Variants in GLIS1 observed in about 807,000 individuals in gnomAD.
GLIS1 encodes GLIS family zinc finger 1, also known as zinc finger protein GLIS1.
A neutral mutation model predicts 63.8 loss-of-function variants in GLIS1; 24 were observed. The observed-to-expected ratio is 0.38, with a 90% CI of 0.27 to 0.53. The LOEUF is 0.53. Among genes scored for constraint, GLIS1 ranks in the 20% least tolerant of loss-of-function variants. The pLI is 0.85. For synonymous variants in GLIS1, 450 were observed against 482.5 expected (o/e 0.93, Z 0.88); for missense variants, 1,036 against 1,074.1 (o/e 0.96, Z 0.50).
chr1:53,506,680 A>G lies in GLIS1; in HGVS notation c.2327T>C (p.Phe776Ser), dbSNP rs1471177486. The G allele has an allele frequency of 5.6e-6, 9 of 1,613,358 alleles. No individual in the cohort carries two copies. Among genetic ancestry groups the G allele is most frequent in the Admixed American group, 5.0e-5 (3 of 59,992 alleles). The change falls in exon 11 of 11, where the codon TTC (phenylalanine) becomes TCC (serine). Residue 776 changes from phenylalanine (F) to serine (S), a missense_variant. Phe to Ser is a radical substitution (Grantham distance 155, BLOSUM62 -2). Around this residue, in one of 3 missense-constraint regions of GLIS1, gnomAD observed 400 missense variants for 400.9 expected, o/e 1.00. Coordinates refer to ENST00000628545, the MANE Select transcript of GLIS1 (RefSeq NM_001367484.1). Reference sequence around the variant, plus strand: ...GCAGTGGTCAAAGGCTCCATTGGGGAAGAAGCCACAGTCCTCGGGGCCGCT... The same window carrying G: ...GCAGTGGTCAAAGGCTCCATTGGGGGAGAAGCCACAGTCCTCGGGGCCGCT... ...VSSGPEDCGF[F>S]PNGAFDHCLG...
intron 2 of GLIS1, among the ~76,000 whole-genome samples, chr1:53,704,319 G>A (rs1324740778): frequency 6.6e-6 from 1 of 152,246 alleles, no homozygotes; most frequent in Non-Finnish European, 1.5e-5. Flanking sequence ...TTTATGGCAG[G>A]AATAAGGCAG....
intron 4 of GLIS1, among the ~76,000 whole-genome samples, chr1:53,556,963 T>C (rs1644841154): frequency 6.6e-6 from 1 of 151,362 alleles, no homozygotes; most frequent in Admixed American, 6.6e-5. Context: ...GCAGGCATAC[T>C]GCAGGTGTGT....
chr1:53,667,587 C>T (rs190976388), intron 2 of GLIS1, among the ~76,000 whole-genome samples: 1 of 150,686 alleles, frequency 6.6e-6, no homozygotes, highest in African/African-American at 2.5e-5. Flanking sequence ...CTTTCAGACT[C>T]ACAGGCTCTC....
intron 8 of GLIS1, among the ~76,000 whole-genome samples, chr1:53,510,974 G>A (rs1644292818): frequency 6.6e-6 from 1 of 152,180 alleles, no homozygotes. Context: ...CAGGTGCCCT[G>A]AGCCCAGCCC....
intron 2 of GLIS1, among the ~76,000 whole-genome samples, chr1:53,638,153 A>ATAC (rs1382069048): frequency 6.6e-6 from 1 of 152,208 alleles, no homozygotes; most frequent in East Asian, 1.9e-4. Flanking sequence ...ACACGGTGTA[A>ATAC]GGGTCAGGGA....
At chr1:53,578,191 T>G (rs1031690173) in intron 4 of GLIS1, among the ~76,000 whole-genome samples, 6 of 152,164 alleles carry the variant, frequency 3.9e-5, no homozygotes, top group African/African-American at 1.4e-4. Context: ...CTGCTTGCTA[T>G]AGCAGCCTGA....
In GLIS1 at chr1:53,509,458, T is replaced by C. The variant is rs114765704; in HGVS notation, c.2063-171A>G. Among the ~76,000 whole-genome samples, 1,031 of 152,026 alleles carry C rather than the reference T, an allele frequency of 6.8e-3. 8 individuals are homozygous for C. Among genetic ancestry groups the C allele is most frequent in the African/African-American group, 0.023 (966 of 41,476 alleles). On this transcript the variant is annotated intron_variant, in intron 9 of 10. Transcript: ENST00000628545. ...GGAGGTGCAGGAGGCTGGGGCCCCA[T>C]TCTCAGCTCCGCCCTGCAGGGAGGG...
At position 53,622,427 on chromosome 1, in the gene GLIS1, C is replaced by CAAAA. The variant is rs60923620; in HGVS notation, c.260-22153_260-22150dup. On this transcript the variant is annotated intron_variant, in intron 2 of 10. Coordinates refer to ENST00000628545, the MANE Select transcript of GLIS1 (RefSeq NM_001367484.1). ...TGGACAACAGAGCTAGACTATGTCT[C>CAAAA]AAAAAAAAAAAAAAAAAAAAAAAGA... Among the ~76,000 whole-genome samples, 169 of 132,166 alleles carry CAAAA rather than the reference C, an allele frequency of 1.3e-3. 1 individual carries two copies. The highest frequency in any genetic ancestry group is 4.2e-3 in the East Asian group (18 of 4,302). 86.7% of individuals were successfully genotyped at this position (132,166 alleles called of 152,430 possible).
intron 2 of GLIS1, among the ~76,000 whole-genome samples, chr1:53,642,018 G>A (rs896223638): frequency 4.6e-5 from 7 of 152,204 alleles, no homozygotes; most frequent in African/African-American, 1.7e-4. Flanking sequence ...TCCACTCCCA[G>A]GCACTGCCAA....
At chr1:53,711,584 C>T (rs754301582) in intron 2 of GLIS1, among the ~76,000 whole-genome samples, 10 of 152,218 alleles carry the variant, frequency 6.6e-5, no homozygotes, top group Admixed American at 2.6e-4. Context: ...CAGAGCACAG[C>T]TCTTTCTTTT....
intron 2 of GLIS1, among the ~76,000 whole-genome samples, chr1:53,626,100 T>G (rs1645591414): frequency 6.6e-6 from 1 of 152,178 alleles, no homozygotes; most frequent in Non-Finnish European, 1.5e-5. Flanking sequence ...TGAGGGCCGC[T>G]CTTAGGAATG....
chr1:53,734,834 G>A (rs1646897824), intron 2 of GLIS1, among the ~76,000 whole-genome samples: 3 of 152,234 alleles, frequency 2.0e-5, no homozygotes, highest in Non-Finnish European at 4.4e-5. Context: ...TAAAAGCAGA[G>A]TGTCGGGTGT....
chr1:53,674,015 T>C (rs1646184436), intron 2 of GLIS1, among the ~76,000 whole-genome samples: 1 of 151,384 alleles, frequency 6.6e-6, no homozygotes, highest in African/African-American at 2.4e-5. Flanking sequence ...CTATGAAAAA[T>C]ACAAAAATTA....
chr1:53,570,718 A>G (rs1644976587), intron 4 of GLIS1, among the ~76,000 whole-genome samples: 1 of 152,216 alleles, frequency 6.6e-6, no homozygotes, highest in Admixed American at 6.5e-5. Context: ...ATCACTAGTA[A>G]AAAGATAGGC....
At chr1:53,566,845 C>G (rs1370992295) in intron 4 of GLIS1, among the ~76,000 whole-genome samples, 1 of 152,204 alleles carries the variant, frequency 6.6e-6, no homozygotes, top group Non-Finnish European at 1.5e-5. Flanking sequence ...TCCTGTTAAG[C>G]CTGCAGAACT....
intron 2 of GLIS1, among the ~76,000 whole-genome samples, chr1:53,666,245 C>T (rs751493096): frequency 1.3e-5 from 2 of 152,212 alleles, no homozygotes; most frequent in African/African-American, 2.4e-5. Flanking sequence ...TTCACAAACA[C>T]GACCTGGACA....
chr1:53,516,564 G>A (rs1393786017), intron 7 of GLIS1, among the ~76,000 whole-genome samples: 3 of 151,798 alleles, frequency 2.0e-5, no homozygotes, highest in Non-Finnish European at 2.9e-5. Context: ...TGTAATCCCC[G>A]CACTTTGGGA....
intron 2 of GLIS1, among the ~76,000 whole-genome samples, chr1:53,727,143 C>T (rs1266750214): frequency 6.6e-6 from 1 of 152,232 alleles, no homozygotes; most frequent in African/African-American, 2.4e-5. Flanking sequence ...AACTCAGTTC[C>T]GACTCTAAAA....
chr1:53,617,687 C>T (rs1020269905), intron 2 of GLIS1, among the ~76,000 whole-genome samples: 1 of 152,174 alleles, frequency 6.6e-6, no homozygotes, highest in African/African-American at 2.4e-5. Flanking sequence ...CCTTTTAGTT[C>T]TTCTTCAATA....
Sources: allele counts gnomAD v4.1 joint callset (sites outside exome capture counted in the v4.1 genomes callset), GRCh38; gene constraint gnomAD v4.1.1; regional missense constraint gnomAD v4.1.1; transcripts MANE v1.5; gene names NCBI Gene and HGNC (gene_info 2026-07-23, HGNC 2026-07-21).